The following GALNT2 variants were observed in gnomAD, a reference collection of about 807,000 sequenced individuals.
GALNT2 encodes UDP-GalNAc:polypeptide N-acetylgalactosaminyltransferase 2.
Under a neutral mutation model 81.4 loss-of-function variants are expected in GALNT2, and 31 were observed. The ratio of observed to expected loss-of-function variants is 0.38; its 90% CI spans 0.29 to 0.51. The LOEUF (loss-of-function observed/expected upper bound fraction) is 0.51. GALNT2 is among the 20% of genes least tolerant of loss of function. The pLI is 0.87. For missense variants in GALNT2, 629 were observed against 765.7 expected (o/e 0.82, Z 2.11); for synonymous variants, 303 against 287.4 (o/e 1.05, Z -0.55).
At chr1:230,245,970 C>G in intron 7 of GALNT2, 93 bp from the exon 8 acceptor site, 3 of 1,060,554 alleles carry the variant, frequency 2.8e-6, no homozygotes, top group Non-Finnish European at 1.5e-6. Context: ...GTTGGGTTTG[C>G]CCTGTGCCTG....
chr1:230,178,567 A>T (rs1260230323), intron 2 of GALNT2, among the ~76,000 whole-genome samples: 1 of 152,214 alleles, frequency 6.6e-6, no homozygotes, highest in Non-Finnish European at 1.5e-5. Flanking sequence ...ATATATTAGT[A>T]TATATTAGTT....
chr1:230,147,789 G>C lies in GALNT2; in HGVS notation c.127-30429G>C, dbSNP rs180687894. Reference sequence around the variant, plus strand: ...AGGAGAGCTTCTGTCTCCTGAGTGAGGGCCTCAGCTCTGCCTGTGGGTCAC... The same window carrying C: ...AGGAGAGCTTCTGTCTCCTGAGTGACGGCCTCAGCTCTGCCTGTGGGTCAC... On this transcript the variant is annotated intron_variant, in intron 1 of 15. Coordinates refer to ENST00000366672, the MANE Select transcript of GALNT2 (RefSeq NM_004481.5). Among the ~76,000 whole-genome samples the C allele has an allele frequency of 2.8e-4, 42 of 152,316 alleles. 1 individual carries two copies. The East Asian group carries it at 7.9e-3, about 29-fold the overall frequency.
At chr1:230,129,971 C>T (rs1199122417) in intron 1 of GALNT2, among the ~76,000 whole-genome samples, 2 of 152,234 alleles carry the variant, frequency 1.3e-5, no homozygotes, top group Admixed American at 6.5e-5. Flanking sequence ...TGCTGAAGTA[C>T]GCTGAACGGG....
chr1:230,095,977 G>A (rs760875156), intron 1 of GALNT2, among the ~76,000 whole-genome samples: 5 of 152,218 alleles, frequency 3.3e-5, no homozygotes, highest in South Asian at 2.1e-4. Flanking sequence ...AAGCCATGAC[G>A]TTTTGGGAGG....
intron 3 of GALNT2, among the ~76,000 whole-genome samples, chr1:230,224,533 G>A (rs904439789): frequency 6.6e-6 from 1 of 152,212 alleles, no homozygotes; most frequent in African/African-American, 2.4e-5. Flanking sequence ...AGGCACTAAA[G>A]GGCAAATGGT....
chr1:230,142,391 C>G (rs943189016), intron 1 of GALNT2, among the ~76,000 whole-genome samples: 16 of 152,104 alleles, frequency 1.1e-4, no homozygotes, highest in Admixed American at 7.9e-4. Context: ...CACTGTGCCC[C>G]CCATGCTCAG....
At chr1:230,094,082 C>T (rs558646638) in intron 1 of GALNT2, among the ~76,000 whole-genome samples, 80 of 151,968 alleles carry the variant, frequency 5.3e-4, no homozygotes, top group African/African-American at 1.9e-3. Context: ...ACTGCAACCT[C>T]GATCTCCTGG....
At chr1:230,092,490 C>T (rs985239870) in intron 1 of GALNT2, among the ~76,000 whole-genome samples, 42 of 151,800 alleles carry the variant, frequency 2.8e-4, no homozygotes, top group Non-Finnish European at 5.7e-4. Context: ...ATTACAGGCA[C>T]GCGCCACCAA....
intron 2 of GALNT2, among the ~76,000 whole-genome samples, chr1:230,201,454 A>G (rs375681508): frequency 6.6e-5 from 10 of 152,198 alleles, no homozygotes; most frequent in African/African-American, 2.2e-4. Flanking sequence ...AACAAATTAC[A>G]TGTAACTGAT....
chr1:230,256,314 C>T (rs531565302), intron 11 of GALNT2, among the ~76,000 whole-genome samples: 41 of 152,242 alleles, frequency 2.7e-4, no homozygotes, highest in Non-Finnish European at 4.9e-4. Flanking sequence ...GGCATAGTGG[C>T]AGGCGCCTAT....
intron 1 of GALNT2, among the ~76,000 whole-genome samples, chr1:230,081,597 AATT>A (rs1276711831): frequency 1.8e-4 from 27 of 152,280 alleles, no homozygotes; most frequent in African/African-American, 6.3e-4. Context: ...GTGGAAGACA[AATT>A]AATAATTGTG....
chr1:230,262,989 G>C lies in GALNT2; in HGVS notation c.1297G>C (p.Val433Leu). The change falls in exon 13 of 16, where the codon GTC (valine) becomes CTC (leucine). Residue 433 changes from valine (V) to leucine (L), a missense_variant. Coordinates refer to ENST00000366672, the MANE Select transcript of GALNT2 (RefSeq NM_004481.5). ...GCCTTTCAAATGGTACCTTGAAAATGTCTATCCAGAGTTAAGGTAAGTCCC... is the reference window on the plus strand; with the variant it reads ...GCCTTTCAAATGGTACCTTGAAAATCTCTATCCAGAGTTAAGGTAAGTCCC... ...CKPFKWYLEN[V>L]YPELRVPDHQ... The C allele has an allele frequency of 1.2e-6, 2 of 1,614,048 alleles. No homozygotes were observed. Among genetic ancestry groups the C allele is most frequent in the Non-Finnish European group, 1.7e-6 (2 of 1,179,866 alleles).
At chr1:230,179,309 TAAATACCA>T (rs986245267) in intron 2 of GALNT2, among the ~76,000 whole-genome samples, 1 of 152,180 alleles carries the variant, frequency 6.6e-6, no homozygotes, top group Non-Finnish European at 1.5e-5. Context: ...CTCATTTGGG[TAAATACCA>T]AAGGGTATGA....
intron 2 of GALNT2, among the ~76,000 whole-genome samples, chr1:230,198,578 T>G (rs1663783942): frequency 6.6e-6 from 1 of 152,036 alleles, no homozygotes; most frequent in Admixed American, 6.5e-5. Flanking sequence ...TGGCCATGCA[T>G]GTGTGGAGCA....
intron 1 of GALNT2, among the ~76,000 whole-genome samples, chr1:230,084,235 G>A (rs1659834243): frequency 1.3e-5 from 2 of 152,216 alleles, no homozygotes; most frequent in Non-Finnish European, 2.9e-5. Context: ...TGGAAGGAGG[G>A]CAGGCTGGGG....
exon 1 of GALNT2, chr1:230,058,054 G>C: frequency 2.2e-6 from 1 of 456,276 alleles, no homozygotes. Context: ...AGGGCAAGGT[G>C]CCCGTAGCCC....
chr1:230,214,054 A>T (rs1368604475), intron 3 of GALNT2, among the ~76,000 whole-genome samples: 1 of 151,366 alleles, frequency 6.6e-6, no homozygotes, highest in Non-Finnish European at 1.5e-5. Context: ...TATTTCTATT[A>T]GTCCCAGTAT....
At position 230,262,559 on chromosome 1, in the gene GALNT2, T is replaced by C. The variant is rs1665909821; in HGVS notation, c.1137-14T>C. The C allele has an allele frequency of 3.1e-6, 5 of 1,608,308 alleles. No individual in the cohort carries two copies. Among genetic ancestry groups the C allele is most frequent in the Non-Finnish European group, 4.3e-6 (5 of 1,174,822 alleles). On this transcript the variant is annotated splice_polypyrimidine_tract_variant and intron_variant, in intron 11 of 15. Transcript: ENST00000366672. The stretch of plus-strand genomic sequence containing the variant: ...AGAAAGGAAATCACACCTCAAGATT[T>C]ATTTTCTTTCTAGAAACACCCGCCG...
Position 230,094,337 on chromosome 1 carries a change from G to GTT in GALNT2, c.126+26931_126+26932insTT, listed in dbSNP as rs571582070. The stretch of plus-strand genomic sequence containing the variant: ...TATTTTTATATATTTAAGAACATAT[G>GTT]CTTTCGGCCGGGGTGGCAGCTCATG... On this transcript the variant is annotated intron_variant, in intron 1 of 15. Coordinates refer to ENST00000366672, the MANE Select transcript of GALNT2 (RefSeq NM_004481.5). 7.7e-3 allele frequency among the ~76,000 whole-genome samples: 10 copies of GTT among 1,296 alleles called. No homozygotes were observed. In the East Asian group the frequency reaches 0.093, roughly 12 times the overall value. 0.9% of individuals were successfully genotyped at this position (1,296 alleles called of 152,430 possible). A position where few individuals can be genotyped will look rare whatever the true frequency, so the allele number is the denominator to read the frequency against.
Sources: gnomAD v4.1 joint callset for allele counts (sites outside exome capture counted in the v4.1 genomes callset) on GRCh38, gnomAD v4.1.1 for gene constraint, MANE v1.5 for transcripts, NCBI Gene and HGNC (gene_info 2026-07-23, HGNC 2026-07-21) for gene names.